Variants in NAALADL2 observed in about 807,000 individuals in gnomAD.
The protein encoded by NAALADL2 is inactive N-acetylated-alpha-linked acidic dipeptidase-like protein 2.
Under a neutral mutation model 87.2 loss-of-function variants are expected in NAALADL2, and 76 were observed. The observed-to-expected ratio is 0.87, with a 90% CI of 0.72 to 1.05. NAALADL2 has a LOEUF of 1.05. NAALADL2 is among the 50% of genes least tolerant of loss of function. The pLI is 0.00. For synonymous variants in NAALADL2, 354 were observed against 331.0 expected (o/e 1.07, Z -0.75); for missense variants, 1,089 against 945.8 (o/e 1.15, Z -1.99).
At position 175,786,069 on chromosome 3, in the gene NAALADL2, C is replaced by A. The variant is rs534614400; in HGVS notation, c.2190-16936C>A. Among the ~76,000 whole-genome samples, 48 of 152,244 alleles carry A rather than the reference C, an allele frequency of 3.2e-4. No homozygotes were observed. The East Asian group carries it at 6.6e-3, about 21-fold the overall frequency. On this transcript the variant is annotated intron_variant, in intron 13 of 13. Transcript: ENST00000454872. ...CTTGTAGGGTTTCTGCCGAGAGATCCGCTGTTAGTCTGATGGGCTTCCCTT... is the reference window on the plus strand; with the variant it reads ...CTTGTAGGGTTTCTGCCGAGAGATCAGCTGTTAGTCTGATGGGCTTCCCTT...
chr3:174,635,708 G>T (rs985316973), intron 2 of NAALADL2, among the ~76,000 whole-genome samples: 2 of 151,998 alleles, frequency 1.3e-5, no homozygotes, highest in African/African-American at 4.8e-5. Flanking sequence ...TCACCATATT[G>T]GCCAGAATGG....
rs186770612 is a variant in NAALADL2 at position 174,718,076 on chromosome 3, C to T, written c.-114-19565C>T. ...CTGGGGAGGTGGAGGTTGCAGTGAG[C>T]GCTCCAGCCTGGGTGATAAGACCTA... is the stretch of plus-strand genomic sequence containing the variant. On this transcript the variant is annotated intron_variant, in intron 2 of 3. Transcript: ENST00000434257. 1.6e-4 allele frequency among the ~76,000 whole-genome samples: 25 copies of T among 152,158 alleles called. No individual in the cohort carries two copies. The East Asian group carries it at 2.1e-3, about 13-fold the overall frequency.
At chr3:175,802,942 C>T in intron 13 of NAALADL2, 63 bp from the exon 14 acceptor site, 26 of 1,038,178 alleles carry the variant, frequency 2.5e-5, no homozygotes, top group Admixed American at 1.1e-4. Flanking sequence ...ATATTCATTC[C>T]AACGTTTGAT....
At chr3:175,163,073 C>A (rs1055328883) in intron 2 of NAALADL2, among the ~76,000 whole-genome samples, 1 of 151,986 alleles carries the variant, frequency 6.6e-6, no homozygotes, top group Non-Finnish European at 1.5e-5. Context: ...TATATTGTTT[C>A]CGAAAAGTGT....
chr3:174,979,713 C>CAG (rs71982768), intron 1 of NAALADL2, among the ~76,000 whole-genome samples: 20,510 of 151,880 alleles, frequency 0.14, 3,588 homozygotes, highest in African/African-American at 0.4. Context: ...ACCTAAAAAA[C>CAG]AGAAAAATAT....
intron 10 of NAALADL2, among the ~76,000 whole-genome samples, chr3:175,593,882 A>G (rs982591675): frequency 2.4e-4 from 36 of 152,166 alleles, no homozygotes; most frequent in Admixed American, 2.2e-3. Context: ...GGGGAAAACC[A>G]ATTCAACCTG....
chr3:175,037,253 C>G lies in NAALADL2; in HGVS notation c.44-59537C>G, dbSNP rs1462731255. On this transcript the variant is annotated intron_variant, in intron 1 of 13. Coordinates refer to ENST00000454872, the MANE Select transcript of NAALADL2 (RefSeq NM_207015.3). ...AGGCACTGGTGATATGACTAAGTCA[C>G]ATGAGTATTAGAACACCCTTTGCTG... is the stretch of plus-strand genomic sequence containing the variant. Among the ~76,000 whole-genome samples, 5 of 152,264 alleles carry G rather than the reference C, an allele frequency of 3.3e-5. No individual in the cohort carries two copies. The East Asian group carries it at 7.7e-4, about 24-fold the overall frequency.
chr3:174,467,790 T>C (rs978121079), intron 1 of NAALADL2, among the ~76,000 whole-genome samples: 1 of 151,974 alleles, frequency 6.6e-6, no homozygotes, highest in Admixed American at 6.6e-5. Flanking sequence ...ATGTATAAGA[T>C]GCCCTGTGTA....
At chr3:175,118,499 A>C (rs1725638124) in intron 2 of NAALADL2, among the ~76,000 whole-genome samples, 1 of 151,790 alleles carries the variant, frequency 6.6e-6, no homozygotes, top group African/African-American at 2.4e-5. Context: ...GATGTGCTTT[A>C]ATGAGAACAG....
At chr3:175,463,623 G>A in intron 7 of NAALADL2, 130 bp downstream of exon 7, 1 of 439,608 alleles carries the variant, frequency 2.3e-6, no homozygotes, top group Non-Finnish European at 3.9e-6. Context: ...CACTCTTAGA[G>A]TAGATAAATT....
chr3:174,612,524 C>T (rs1338436278), intron 2 of NAALADL2, among the ~76,000 whole-genome samples: 2 of 151,976 alleles, frequency 1.3e-5, no homozygotes, highest in East Asian at 3.9e-4. Flanking sequence ...AAATAGCCTA[C>T]CTTCAAGCTC....
intron 2 of NAALADL2, among the ~76,000 whole-genome samples, chr3:175,141,087 C>G (rs1056732947): frequency 4.6e-5 from 7 of 152,170 alleles, no homozygotes; most frequent in Admixed American, 3.3e-4. Context: ...TATGGATGTA[C>G]ACCAGATTTC....
chr3:175,351,412 TTATA>T (rs1763760071), intron 5 of NAALADL2, among the ~76,000 whole-genome samples: 1 of 152,082 alleles, frequency 6.6e-6, no homozygotes. Flanking sequence ...TATGATAACA[TTATA>T]TGTATGTATA....
intron 3 of NAALADL2, among the ~76,000 whole-genome samples, chr3:174,748,261 A>G (rs1460929966): frequency 6.6e-6 from 1 of 152,114 alleles, no homozygotes; most frequent in Non-Finnish European, 1.5e-5. Context: ...ACTATGGCAC[A>G]TGTTTACCTA....
chr3:175,252,570 T>C (rs1749247009), intron 3 of NAALADL2, among the ~76,000 whole-genome samples: 1 of 152,080 alleles, frequency 6.6e-6, no homozygotes, highest in Non-Finnish European at 1.5e-5. Flanking sequence ...AATCCTACAA[T>C]GGCCTCTAAG....
At chr3:175,572,900 G>GAA (rs11299677) in intron 9 of NAALADL2, among the ~76,000 whole-genome samples, 79 of 147,158 alleles carry the variant, frequency 5.4e-4, no homozygotes, top group African/African-American at 1.9e-3. Context: ...ACTCTATCTT[G>GAA]AAAAAAAAAA....
chr3:175,008,774 C>T (rs907924049), intron 1 of NAALADL2, among the ~76,000 whole-genome samples: 7 of 138,342 alleles, frequency 5.1e-5, no homozygotes, highest in African/African-American at 1.2e-4. Context: ...GGTAATCAAC[C>T]TTCTAGGATT....
intron 10 of NAALADL2, among the ~76,000 whole-genome samples, chr3:175,595,614 A>G (rs886197780): frequency 6.6e-6 from 1 of 152,080 alleles, no homozygotes; most frequent in African/African-American, 2.4e-5. Flanking sequence ...GCTTGGAGTC[A>G]AATCAAGAAC....
intron 13 of NAALADL2, among the ~76,000 whole-genome samples, chr3:175,797,233 A>G (rs758205319): frequency 6.6e-6 from 1 of 152,126 alleles, no homozygotes; most frequent in Non-Finnish European, 1.5e-5. Context: ...CATTTATAAG[A>G]TCCAAATTGT....
Sources: allele counts gnomAD v4.1 joint callset (sites outside exome capture counted in the v4.1 genomes callset), GRCh38; gene constraint gnomAD v4.1.1; transcripts MANE v1.5; gene names NCBI Gene and HGNC (gene_info 2026-07-23, HGNC 2026-07-21).